NOL11: variants seen among roughly 807,000 people sequenced by gnomAD.
NOL11 encodes the protein nucleolar protein 11.
NOL11 carries 42 observed loss-of-function variants against 93.0 expected under a neutral mutation model. The ratio of observed to expected loss-of-function variants is 0.45; its 90% confidence interval spans 0.35 to 0.58. NOL11 has a LOEUF of 0.58. NOL11 is among the 20% of genes least tolerant of loss of function. The probability of loss-of-function intolerance (pLI) is 0.00; values close to 1 mark genes in which losing one functional copy is unlikely to be tolerated. For missense variants in NOL11, 775 were observed against 841.8 expected, an observed-to-expected ratio of 0.92 and a Z score of 0.98; for synonymous variants, 296 against 293.7, an observed-to-expected ratio of 1.01 and a Z score of -0.08.
chr17:67,720,046 T>G, intron 3 of NOL11, 84 bp downstream of exon 3: 1 of 1,274,270 alleles, frequency 7.8e-7, no homozygotes, highest in Non-Finnish European at 1.1e-6. Flanking sequence ...TTATTTATTT[T>G]AATACCTCTG....
intron 7 of NOL11, among the ~76,000 whole-genome samples, chr17:67,732,860 C>T (rs1456483214): frequency 3.3e-5 from 5 of 151,850 alleles, no homozygotes; most frequent in Non-Finnish European, 7.4e-5. Context: ...AGGCATGAGC[C>T]ACCATGCCCT....
At chr17:67,734,517 C>CAACAGAGTGAGGCCCCAT in intron 8 of NOL11, 78 bp downstream of exon 8, 4 of 863,462 alleles carry the variant, frequency 4.6e-6, no homozygotes, top group Non-Finnish European at 7.6e-6. Context: ...TGAGATGGGG[C>CAACAGAGTGAGGCCCCAT]CTCACTCTGT....
chr17:67,736,568 T>G, intron 9 of NOL11, 98 bp from the exon 10 acceptor site: 1 of 718,488 alleles, frequency 1.4e-6, no homozygotes, highest in South Asian at 1.8e-5. Context: ...CTCTCTTAAA[T>G]TGTATGAGTG....
In NOL11 at chr17:67,722,569, T is replaced by C; in HGVS notation, c.462-11T>C. On this transcript the variant is annotated splice_polypyrimidine_tract_variant and intron_variant, in intron 4 of 17. Transcript: ENST00000253247. Reference sequence around the variant, plus strand: ...TGCATCCTATAATTTTTCTTTTTTCTTTTTTTGTAGATGGACAAAGTTTTT... The same window carrying C: ...TGCATCCTATAATTTTTCTTTTTTCCTTTTTTGTAGATGGACAAAGTTTTT... 6.4e-7 allele frequency: 1 copy of C among 1,565,818 alleles called. No individual in the cohort carries two copies. Among genetic ancestry groups the C allele is most frequent in the Non-Finnish European group, 8.6e-7 (1 of 1,165,504 alleles).
At chr17:67,724,312 T>G in intron 6 of NOL11, 119 bp downstream of exon 6, 2 of 577,400 alleles carry the variant, frequency 3.5e-6, no homozygotes, top group East Asian at 3.1e-5. Context: ...CTGTGCTTCT[T>G]TACAGCGTTC....
At chr17:67,742,085 C>A (rs999802628) in intron 16 of NOL11, among the ~76,000 whole-genome samples, 3 of 152,098 alleles carry the variant, frequency 2.0e-5, no homozygotes, top group African/African-American at 7.2e-5. Flanking sequence ...TGAATACATT[C>A]CCACAAGAGA....
chr17:67,731,594 A>G (rs1033609819), intron 7 of NOL11, among the ~76,000 whole-genome samples: 3 of 152,244 alleles, frequency 2.0e-5, no homozygotes, highest in Non-Finnish European at 1.5e-5. Context: ...TCCACATCCA[A>G]GAACCCATGG....
At position 67,743,601 on chromosome 17, in the gene NOL11, G is replaced by C; in HGVS notation, c.2043+15G>C. On this transcript the variant is annotated intron_variant, in intron 17 of 17. Transcript: ENST00000253247. ...TAAAATCTCAGGTTTGTGATTATTT[G>C]ATATATACTGATTTTATTTGTACCC... The C allele has an allele frequency of 6.9e-7, 1 of 1,442,384 alleles. No individual in the cohort carries two copies. Among genetic ancestry groups the C allele is most frequent in the South Asian group, 1.2e-5 (1 of 83,858 alleles). 89.3% of individuals were successfully genotyped at this position (1,442,384 alleles called of 1,614,324 possible). A position where few individuals can be genotyped will look rare whatever the true frequency, so the allele number is the denominator to read the frequency against.
intron 7 of NOL11, among the ~76,000 whole-genome samples, chr17:67,730,170 G>C (rs1177528981): frequency 6.6e-6 from 1 of 152,082 alleles, no homozygotes; most frequent in East Asian, 1.9e-4. Flanking sequence ...GGATATTTTA[G>C]CTATTTCCAC....
Position 67,743,886 on chromosome 17 carries a change from T to A in NOL11, c.*27T>A. 1 of 1,127,178 alleles carries A rather than the reference T, an allele frequency of 8.9e-7. No homozygotes were observed. The allele number at this position is 1,127,178 out of a possible 1,614,324, so 69.8% of individuals were successfully genotyped here. On this transcript the variant is annotated 3_prime_UTR_variant, in exon 18 of 18. Coordinates refer to ENST00000253247, the MANE Select transcript of NOL11 (RefSeq NM_015462.5). ...ATTATCAATTCTCCTTCATAGACATTTTATAAAGCTCTTTTATGTGAACTC... is the reference window on the plus strand; with the variant it reads ...ATTATCAATTCTCCTTCATAGACATATTATAAAGCTCTTTTATGTGAACTC...
chr17:67,738,024 C>G, intron 13 of NOL11, 52 bp downstream of exon 13: 5 of 1,563,908 alleles, frequency 3.2e-6, no homozygotes, highest in Non-Finnish European at 4.3e-6. Context: ...TAATCTGTTA[C>G]ATTATTTGAT....
chr17:67,724,253 G>A (rs1316668237), intron 6 of NOL11, 60 bp downstream of exon 6: 1 of 996,294 alleles, frequency 1.0e-6, no homozygotes, highest in African/African-American at 1.6e-5. Flanking sequence ...ATAGGATAGT[G>A]TATGTTTTTG....
At position 67,737,675 on chromosome 17, in the gene NOL11, G is replaced by A. The variant is rs184371826; in HGVS notation, c.1386G>A (p.Thr462=). The change falls in exon 12 of 18, where the codon ACG becomes ACA. Residue 462 remains threonine, a synonymous_variant. Coordinates refer to ENST00000253247, the MANE Select transcript of NOL11 (RefSeq NM_015462.5). ...PRNCLMQLIQ[T]HVLSYSLCPD... The stretch of plus-strand genomic sequence containing the variant: ...ACTGTCTGATGCAGCTTATCCAAAC[G>A]CATGTGCTTTCTTACAGGTAGCTGT... 15 of 1,612,938 alleles carry A rather than the reference G, an allele frequency of 9.3e-6. No individual in the cohort carries two copies. The highest frequency in any genetic ancestry group is 2.2e-5 in the East Asian group (1 of 44,876).
chr17:67,743,009 A>C (rs539993872), intron 16 of NOL11, among the ~76,000 whole-genome samples: 9 of 152,196 alleles, frequency 5.9e-5, no homozygotes, highest in Non-Finnish European at 1.0e-4. Flanking sequence ...TGGGAGGCTG[A>C]GGTTGGAGGA....
intron 7 of NOL11, among the ~76,000 whole-genome samples, chr17:67,733,893 G>T (rs946511571): frequency 1.1e-4 from 16 of 151,962 alleles, no homozygotes; most frequent in Admixed American, 3.9e-4. Flanking sequence ...TGGTTTGTTG[G>T]TATTTTGATT....
chr17:67,733,036 A>T (rs2055168871), intron 7 of NOL11, among the ~76,000 whole-genome samples: 1 of 152,014 alleles, frequency 6.6e-6, no homozygotes, highest in South Asian at 2.1e-4. Flanking sequence ...GGATCATGTC[A>T]TCTGTGAGTA....
intron 6 of NOL11, among the ~76,000 whole-genome samples, chr17:67,726,158 T>C (rs879242975): frequency 6.6e-6 from 1 of 152,210 alleles, no homozygotes; most frequent in East Asian, 1.9e-4. Context: ...GATATATCCT[T>C]TTAGGGACTA....
chr17:67,722,033 A>G (rs973580035), intron 4 of NOL11, among the ~76,000 whole-genome samples: 5 of 152,214 alleles, frequency 3.3e-5, no homozygotes, highest in African/African-American at 1.2e-4. Context: ...CCTGGTAGAA[A>G]CTAATTTTCT....
At chr17:67,739,136 C>G in intron 15 of NOL11, 126 bp downstream of exon 15, 2 of 695,318 alleles carry the variant, frequency 2.9e-6, no homozygotes, top group Non-Finnish European at 2.4e-6. Context: ...GGTTGCCCAG[C>G]TCTAATGGCA....
Sources: allele counts gnomAD v4.1 joint callset (sites outside exome capture counted in the v4.1 genomes callset), GRCh38; gene constraint gnomAD v4.1.1; transcripts MANE v1.5; gene names NCBI Gene and HGNC (gene_info 2026-07-23, HGNC 2026-07-21).